The following FAAH2 variants were observed in gnomAD, a reference collection of about 807,000 sequenced individuals.
FAAH2 encodes fatty-acid amide hydrolase 2.
A neutral mutation model predicts 36.9 loss-of-function variants in FAAH2; 60 were observed. The observed-to-expected ratio is 1.63, with a 90% CI of 1.32 to 2.02. The LOEUF is 2.02. Ranked by LOEUF, FAAH2 falls within the 30% of genes most tolerant of loss-of-function variation. FAAH2 has a pLI of 0.00. For missense variants in FAAH2, 689 were observed against 397.5 expected (o/e 1.73, Z -6.23); for synonymous variants, 214 against 143.8 (o/e 1.49, Z -3.49).
At chrX:57,288,677 C>A (rs991781583) in intron 1 of FAAH2, among the ~76,000 whole-genome samples, 3 of 110,706 alleles carry the variant, frequency 2.7e-5, no homozygotes, top group Non-Finnish European at 5.7e-5. Context: ...CTTTTTGTGT[C>A]TCTGATGTCC....
chrX:57,309,754 C>T (rs1295632692), intron 2 of FAAH2, among the ~76,000 whole-genome samples: 1 of 111,384 alleles, frequency 9.0e-6, no homozygotes, highest in African/African-American at 3.3e-5. Context: ...TGGCTTCCAG[C>T]TCCATCCATG....
chrX:57,248,071 A>G, the FAAH2 span, among the ~76,000 whole-genome samples: 82 of 112,324 alleles, frequency 7.3e-4, no homozygotes, highest in Non-Finnish European at 3.0e-4. Context: ...ATCTAGCTAG[A>G]TGACATATTT....
At chrX:57,218,069 T>C in the FAAH2 span, among the ~76,000 whole-genome samples, 11 of 112,191 alleles carry the variant, frequency 9.8e-5, no homozygotes, top group Non-Finnish European at 1.7e-4. Context: ...CTTTGCTGAA[T>C]TATTTTATCA....
chrX:57,290,652 G>C (rs1469655077), intron 1 of FAAH2, among the ~76,000 whole-genome samples: 4 of 110,837 alleles, frequency 3.6e-5, no homozygotes, highest in African/African-American at 1.3e-4. Flanking sequence ...TACTGGTTTT[G>C]TTGTTACTGT....
chrX:57,359,769 C>A (rs180831789), intron 5 of FAAH2, among the ~76,000 whole-genome samples: 221 of 111,109 alleles, frequency 2.0e-3, no homozygotes, highest in Non-Finnish European at 3.7e-3. Context: ...TTACCTCTAC[C>A]AGAGATCTTT....
At chrX:57,202,315 G>A in the FAAH2 span, among the ~76,000 whole-genome samples, 1 of 112,072 alleles carries the variant, frequency 8.9e-6, no homozygotes, top group East Asian at 2.8e-4. Flanking sequence ...ACAGACTTGA[G>A]GGTGGTAATA....
At chrX:57,418,655 G>A (rs932069505) in intron 7 of FAAH2, among the ~76,000 whole-genome samples, 7 of 110,180 alleles carry the variant, frequency 6.4e-5, no homozygotes, top group Non-Finnish European at 1.1e-4. Flanking sequence ...GGGAGCTGCA[G>A]ACCAGAGCTG....
At chrX:57,246,269 G>A in the FAAH2 span, among the ~76,000 whole-genome samples, 1 of 111,708 alleles carries the variant, frequency 9.0e-6, no homozygotes, top group East Asian at 2.8e-4. Flanking sequence ...GGATCAGATG[G>A]ATTCACAGCC....
the FAAH2 span, among the ~76,000 whole-genome samples, chrX:57,208,666 G>A: frequency 8.9e-6 from 1 of 111,788 alleles, no homozygotes; most frequent in East Asian, 2.8e-4. Context: ...AGAGCTGAGA[G>A]CCCTGAACAG....
Position 57,355,627 on chromosome X carries a change from A to AT in FAAH2, c.742+14246dup, listed in dbSNP as rs58710617. ...TAGTTCATTGAAGTGTAACTGATTTATTTTTTTTTAATAACTATTAACTTC... is the reference window on the plus strand; with the variant it reads ...TAGTTCATTGAAGTGTAACTGATTTATTTTTTTTTTAATAACTATTAACTTC... On this transcript the variant is annotated intron_variant, in intron 5 of 10. Coordinates refer to ENST00000374900, the MANE Select transcript of FAAH2 (RefSeq NM_174912.4). 1.1e-3 allele frequency among the ~76,000 whole-genome samples: 120 copies of AT among 109,009 alleles called. 1 individual carries two copies. The highest frequency in any genetic ancestry group is 3.6e-3 in the African/African-American group (109 of 30,195). 94.7% of individuals were successfully genotyped at this position (109,009 alleles called of 115,157 possible).
intron 7 of FAAH2, among the ~76,000 whole-genome samples, chrX:57,415,529 G>T (rs1014271227): frequency 8.9e-6 from 1 of 111,790 alleles, no homozygotes; most frequent in Non-Finnish European, 1.9e-5. Context: ...ATGTACTTTT[G>T]CAGTTTTGAG....
the FAAH2 span, among the ~76,000 whole-genome samples, chrX:57,250,457 TA>T: frequency 9.0e-6 from 1 of 111,636 alleles, no homozygotes; most frequent in African/African-American, 3.2e-5. Context: ...TAAAGCTGTT[TA>T]AATAACAATG....
the FAAH2 span, among the ~76,000 whole-genome samples, chrX:57,182,717 G>A: frequency 9.0e-6 from 1 of 111,028 alleles, no homozygotes. Context: ...AATATCAATC[G>A]TTCTATCATA....
At chrX:57,368,494 A>G (rs746080202) in intron 5 of FAAH2, among the ~76,000 whole-genome samples, 1 of 111,489 alleles carries the variant, frequency 9.0e-6, no homozygotes, top group East Asian at 2.9e-4. Flanking sequence ...GGCATACCCC[A>G]TGGAACAACA....
At chrX:57,434,980 C>T (rs1479987619) in intron 8 of FAAH2, among the ~76,000 whole-genome samples, 1 of 110,791 alleles carries the variant, frequency 9.0e-6, no homozygotes, top group Non-Finnish European at 1.9e-5. Flanking sequence ...TTACAAATTG[C>T]TGAAAGAAAA....
At chrX:57,313,820 C>T (rs1268877235) in intron 3 of FAAH2, among the ~76,000 whole-genome samples, 1 of 111,077 alleles carries the variant, frequency 9.0e-6, no homozygotes, top group Non-Finnish European at 1.9e-5. Context: ...TGATAGCTTG[C>T]ATGCACTATA....
intron 10 of FAAH2, among the ~76,000 whole-genome samples, chrX:57,475,981 T>A (rs1569370769): frequency 9.0e-6 from 1 of 111,558 alleles, no homozygotes; most frequent in East Asian, 2.8e-4. Flanking sequence ...CAATCATGAT[T>A]TGGCTGTCTG....
the FAAH2 span, among the ~76,000 whole-genome samples, chrX:57,241,073 T>A: frequency 2.1e-3 from 235 of 112,363 alleles, no homozygotes; most frequent in Non-Finnish European, 3.4e-3. Flanking sequence ...GCTGGAGCCC[T>A]GTCCCTGCCA....
the FAAH2 span, among the ~76,000 whole-genome samples, chrX:57,162,258 G>T: frequency 1.3e-3 from 150 of 111,731 alleles, no homozygotes; most frequent in African/African-American, 4.8e-3. Flanking sequence ...TTCCCTTTGA[G>T]GGTAACCCAA....
Sources: gnomAD v4.1 joint callset for allele counts (sites outside exome capture counted in the v4.1 genomes callset) on GRCh38, gnomAD v4.1.1 for gene constraint, MANE v1.5 for transcripts, NCBI Gene and HGNC (gene_info 2026-07-23, HGNC 2026-07-21) for gene names.